The following GRIN2A variants were observed in gnomAD, a reference collection of about 807,000 sequenced individuals.
The protein encoded by GRIN2A is glutamate receptor ionotropic, NMDA 2A.
A neutral mutation model predicts 113.4 loss-of-function variants in GRIN2A; 22 were observed. That is an observed-to-expected ratio of 0.19 (90% CI 0.14 to 0.28). GRIN2A has a LOEUF of 0.28. Ranked by LOEUF, GRIN2A falls within the 10% of genes least tolerant of loss-of-function variation. GRIN2A has a pLI of 1.00. For synonymous variants in GRIN2A, 827 were observed against 738.4 expected, an observed-to-expected ratio of 1.12 and a Z score of -1.94; for missense variants, 1,502 against 1,887.0, an observed-to-expected ratio of 0.80 and a Z score of 3.78.
chr16:9,794,956 G>A (rs915272560), intron 11 of GRIN2A, among the ~76,000 whole-genome samples: 2 of 152,090 alleles, frequency 1.3e-5, no homozygotes, highest in South Asian at 2.1e-4. Flanking sequence ...GAGGGTGGTG[G>A]TGATGGCCAT....
intron 2 of GRIN2A, among the ~76,000 whole-genome samples, chr16:10,155,832 GA>G (rs2049681637): frequency 6.6e-6 from 1 of 152,064 alleles, no homozygotes; most frequent in Non-Finnish European, 1.5e-5. Context: ...TCACTATCAC[GA>G]AAACAGCACG....
At chr16:10,032,616 C>A (rs12599024) in intron 2 of GRIN2A, among the ~76,000 whole-genome samples, 1 of 152,088 alleles carries the variant, frequency 6.6e-6, no homozygotes, top group Non-Finnish European at 1.5e-5. Context: ...ATTTCACAGA[C>A]GAGGAACTGA....
chr16:9,861,834 G>A (rs768646146), intron 4 of GRIN2A, among the ~76,000 whole-genome samples: 6 of 152,192 alleles, frequency 3.9e-5, no homozygotes, highest in African/African-American at 7.2e-5. Flanking sequence ...GATGGCTACC[G>A]GCAGAGTGAA....
chr16:10,111,549 C>T (rs564406588), intron 2 of GRIN2A: 2 of 792,794 alleles, frequency 2.5e-6, no homozygotes, highest in Non-Finnish European at 2.2e-6. Context: ...CAGCCCTGAC[C>T]CGGAAGATCA....
intron 2 of GRIN2A, among the ~76,000 whole-genome samples, chr16:10,095,422 G>T (rs975020459): frequency 4.6e-5 from 7 of 152,182 alleles, no homozygotes; most frequent in Admixed American, 4.6e-4. Flanking sequence ...ATAACCCACT[G>T]TAAAATTAAG....
rs1596374520 is a variant in GRIN2A at position 9,763,513 on chromosome 16, A to G, written c.4031T>C (p.Phe1344Ser). The G allele has an allele frequency of 6.2e-7, 1 of 1,613,944 alleles. No homozygotes were observed. The highest frequency in any genetic ancestry group is 1.3e-5 in the African/African-American group (1 of 74,992). The stretch of plus-strand genomic sequence containing the variant: ...CTTGCTGTCCTCCAGACCTTGGGGG[A>G]AAAGGGAGCTTTTTTTCCCCGAGAG... Reference protein sequence around the residue: ...SKLSGKKSSLFPQGLEDSKRS... With the variant: ...SKLSGKKSSLSPQGLEDSKRS... The change falls in exon 13 of 13, where the codon TTC becomes TCC. Residue 1344 changes from phenylalanine (F) to serine (S), a missense_variant. By Grantham distance (155) the Phe-to-Ser change is radical (BLOSUM62 -2). Transcript: ENST00000330684.
chr16:9,968,850 G>C (rs2315513), intron 2 of GRIN2A, among the ~76,000 whole-genome samples: 1 of 151,730 alleles, frequency 6.6e-6, no homozygotes, highest in Admixed American at 6.6e-5. Flanking sequence ...CAGGTGATCC[G>C]CCCGCCTCAG....
intron 4 of GRIN2A, among the ~76,000 whole-genome samples, chr16:9,862,662 T>C (rs2159908): frequency 0.31 from 47,015 of 151,838 alleles, 7,426 homozygotes; most frequent in African/African-American, 0.35. Context: ...TTCTTTGGAT[T>C]ACTTTTAATT....
intron 2 of GRIN2A, among the ~76,000 whole-genome samples, chr16:9,991,403 G>T (rs2046110137): frequency 6.6e-6 from 1 of 152,146 alleles, no homozygotes; most frequent in Non-Finnish European, 1.5e-5. Flanking sequence ...TTGCAATCAT[G>T]GTTCTTTTAA....
chr16:9,987,656 T>C (rs536281624), intron 2 of GRIN2A, among the ~76,000 whole-genome samples: 1 of 152,308 alleles, frequency 6.6e-6, no homozygotes, highest in African/African-American at 2.4e-5. Flanking sequence ...ATATTTGGCT[T>C]AAATAAAAGC....
At chr16:10,113,865 C>T (rs967432846) in intron 2 of GRIN2A, among the ~76,000 whole-genome samples, 1 of 152,064 alleles carries the variant, frequency 6.6e-6, no homozygotes, top group Non-Finnish European at 1.5e-5. Context: ...ATTTAAAAGA[C>T]TATTTCATGA....
At chr16:9,970,204 T>G (rs2045643799) in intron 2 of GRIN2A, among the ~76,000 whole-genome samples, 1 of 152,202 alleles carries the variant, frequency 6.6e-6, no homozygotes, top group African/African-American at 2.4e-5. Flanking sequence ...GGTGAATAAT[T>G]TAACTTGTTT....
chr16:10,098,267 T>C (rs1881669606), intron 2 of GRIN2A, among the ~76,000 whole-genome samples: 1 of 152,146 alleles, frequency 6.6e-6, no homozygotes, highest in African/African-American at 2.4e-5. Context: ...ACCACTTTAT[T>C]CCTGCAAGAA....
chr16:10,173,982 TAAGAA>T (rs2050095993), intron 2 of GRIN2A, among the ~76,000 whole-genome samples: 1 of 151,946 alleles, frequency 6.6e-6, no homozygotes, highest in Non-Finnish European at 1.5e-5. Flanking sequence ...TGCTTGCAAA[TAAGAA>T]AAGAGAATCA....
chr16:9,910,135 G>T (rs1203878590), intron 3 of GRIN2A, among the ~76,000 whole-genome samples: 2 of 152,072 alleles, frequency 1.3e-5, no homozygotes, highest in Non-Finnish European at 2.9e-5. Flanking sequence ...TACACTTTGG[G>T]TTACTATGAA....
chr16:9,915,117 T>C (rs1421214799), intron 3 of GRIN2A, among the ~76,000 whole-genome samples: 1 of 151,232 alleles, frequency 6.6e-6, no homozygotes, highest in African/African-American at 2.4e-5. Flanking sequence ...TTTGTATTTT[T>C]AGTAGAGATG....
intron 2 of GRIN2A, among the ~76,000 whole-genome samples, chr16:10,148,787 C>G (rs188034418): frequency 2.0e-5 from 3 of 152,336 alleles, no homozygotes; most frequent in African/African-American, 7.2e-5. Context: ...TTTATTGCAG[C>G]ACTATTCACA....
intron 2 of GRIN2A, among the ~76,000 whole-genome samples, chr16:10,058,310 A>G (rs1194495275): frequency 6.6e-6 from 1 of 151,938 alleles, no homozygotes; most frequent in Admixed American, 6.6e-5. Flanking sequence ...ACAAAAAACA[A>G]AGAAACAAAA....
At chr16:9,942,393 C>G (rs1262464760) in intron 2 of GRIN2A, among the ~76,000 whole-genome samples, 4 of 152,118 alleles carry the variant, frequency 2.6e-5, no homozygotes, top group Non-Finnish European at 5.9e-5. Flanking sequence ...TAGCCAGCCC[C>G]GTGGCTTTGA....
Sources: gnomAD v4.1 joint callset for allele counts (sites outside exome capture counted in the v4.1 genomes callset) on GRCh38, gnomAD v4.1.1 for gene constraint, MANE v1.5 for transcripts, NCBI Gene and HGNC (gene_info 2026-07-23, HGNC 2026-07-21) for gene names.